The following ZNF679 variants were observed in gnomAD, a reference collection of about 807,000 sequenced individuals.
The protein encoded by ZNF679 is hypothetical protein MGC42415.
In ZNF679, 10 loss-of-function variants were observed where a neutral mutation model predicts 13.4. That is an observed-to-expected ratio of 0.75 (90% confidence interval 0.46 to 1.27). The LOEUF (loss-of-function observed/expected upper bound fraction) is 1.27, where lower values mean the gene tolerates loss of function less well. ZNF679 is among the 50% of genes most tolerant of loss of function. The pLI is 0.00. For synonymous variants in ZNF679, 179 were observed against 162.5 expected, an observed-to-expected ratio of 1.10 and a Z score of -0.77; for missense variants, 525 against 477.8, an observed-to-expected ratio of 1.10 and a Z score of -0.92.
intron 1 of ZNF679, among the ~76,000 whole-genome samples, chr7:64,234,922 C>T (rs373798574): frequency 1.3e-5 from 2 of 152,160 alleles, no homozygotes; most frequent in African/African-American, 4.8e-5. Context: ...ACTGAAACCT[C>T]TACCTCCAGG....
intron 2 of ZNF679, 64 bp downstream of exon 2, chr7:64,249,220 C>CT (rs1291750441): frequency 1.9e-6 from 3 of 1,613,582 alleles, no homozygotes; most frequent in Admixed American, 1.7e-5. Flanking sequence ...CTGAAAGTGG[C>CT]TGTAGCAGGA....
In ZNF679 at chr7:64,266,362, G is replaced by C. The variant is rs750746744; in HGVS notation, c.729G>C (p.Glu243Asp). 3 of 1,610,140 alleles carry C rather than the reference G, an allele frequency of 1.9e-6. No homozygotes were observed. The East Asian group carries it at 6.7e-5, about 36-fold the overall frequency. ...CTGGAGAGAAACCCTACAGATGTGA[G>C]GAATGTGGCAAAGCTTTTACCTGGT... ...IHTGEKPYRC[E>D]ECGKAFTWSS... Residue 243 changes from glutamate (E) to aspartate (D), a missense_variant, in exon 5 of 5, where the codon GAG becomes GAC. Physicochemically the swap from Glu to Asp is conservative, Grantham distance 45. Coordinates refer to ENST00000421025, the MANE Select transcript of ZNF679 (RefSeq NM_153363.3).
chr7:64,228,683 T>C (rs931384517), intron 1 of ZNF679, 31 bp downstream of exon 1: 8 of 152,186 alleles, frequency 5.3e-5, no homozygotes, highest in Non-Finnish European at 1.0e-4. Flanking sequence ...CGAGACACAG[T>C]CTTAACACTG....
At chr7:64,241,660 A>G (rs368110058) in intron 1 of ZNF679, among the ~76,000 whole-genome samples, 3 of 152,156 alleles carry the variant, frequency 2.0e-5, no homozygotes, top group Admixed American at 1.3e-4. Context: ...CAGGATAAAG[A>G]GTTATATCAT....
chr7:64,249,996 C>T (rs1454203531), intron 2 of ZNF679, among the ~76,000 whole-genome samples: 1 of 152,172 alleles, frequency 6.6e-6, no homozygotes, highest in Admixed American at 6.5e-5. Flanking sequence ...TGCCCGCCAC[C>T]GTGCCTGGCT....
intron 2 of ZNF679, among the ~76,000 whole-genome samples, chr7:64,258,515 A>G (rs1000752881): frequency 7.3e-5 from 11 of 151,668 alleles, no homozygotes; most frequent in African/African-American, 2.7e-4. Context: ...AGCCTGACCA[A>G]CATGGTGAAA....
intron 1 of ZNF679, among the ~76,000 whole-genome samples, chr7:64,243,377 C>G (rs1787825152): frequency 6.6e-6 from 1 of 152,132 alleles, no homozygotes; most frequent in Non-Finnish European, 1.5e-5. Context: ...AGGTAGGGTC[C>G]TGACAATAAA....
chr7:64,236,955 A>AAG (rs1427647991), intron 1 of ZNF679, among the ~76,000 whole-genome samples: 1 of 37,406 alleles, frequency 2.7e-5, no homozygotes. Flanking sequence ...GAAAGAAAGA[A>AAG]AGAAAGAAAG....
Position 64,260,925 on chromosome 7 carries a change from C to A in ZNF679, c.258C>A (p.His86Gln). 2.5e-6 allele frequency: 4 copies of A among 1,609,184 alleles called. No individual in the cohort carries two copies. The highest frequency in any genetic ancestry group is 3.4e-6 in the Non-Finnish European group (4 of 1,178,402). Residue 86 changes from histidine to glutamine, a missense_variant, in exon 4 of 5, where the codon CAC becomes CAA. Coordinates refer to ENST00000421025, the MANE Select transcript of ZNF679 (RefSeq NM_153363.3). ...NIKRNEMVTKHPVMCSHFTQD... is the reference protein window; with the variant it reads ...NIKRNEMVTKQPVMCSHFTQD... ...AGAGAAATGAGATGGTAACCAAACA[C>A]CCAGGTAAGTGAGAGTGGATGAAGC...
intron 1 of ZNF679, 68 bp from the exon 2 acceptor site, chr7:64,248,960 G>A (rs1009946193): frequency 9.5e-7 from 1 of 1,055,606 alleles, no homozygotes; most frequent in African/African-American, 1.6e-5. Context: ...TGTACAATCA[G>A]GCATGCAGCT....
chr7:64,254,238 C>T (rs1417984672), intron 2 of ZNF679, among the ~76,000 whole-genome samples: 1 of 151,844 alleles, frequency 6.6e-6, no homozygotes, highest in Non-Finnish European at 1.5e-5. Context: ...AATACTCCTG[C>T]CTTAGCCTCC....
intron 1 of ZNF679, among the ~76,000 whole-genome samples, chr7:64,235,849 A>G (rs1329621203): frequency 6.6e-6 from 1 of 152,094 alleles, no homozygotes; most frequent in Non-Finnish European, 1.5e-5. Flanking sequence ...GAAGGAAAGA[A>G]GAAAAAGGAA....
intron 1 of ZNF679, 64 bp from the exon 2 acceptor site, chr7:64,248,964 T>C (rs962176067): frequency 1.8e-6 from 2 of 1,092,608 alleles, no homozygotes; most frequent in African/African-American, 1.6e-5. Context: ...CAATCAGGCA[T>C]GCAGCTGGAG....
intron 1 of ZNF679, among the ~76,000 whole-genome samples, chr7:64,231,600 G>A (rs1209392143): frequency 6.6e-6 from 1 of 152,198 alleles, no homozygotes; most frequent in East Asian, 1.9e-4. Context: ...TGGCCCAGCT[G>A]GGAGTGTAGA....
At chr7:64,242,028 A>G (rs146522721) in intron 1 of ZNF679, among the ~76,000 whole-genome samples, 11 of 152,260 alleles carry the variant, frequency 7.2e-5, no homozygotes, top group African/African-American at 2.6e-4. Context: ...TTGAATCACA[A>G]CCTCAACAGT....
At chr7:64,258,676 G>C (rs1788036413) in intron 2 of ZNF679, among the ~76,000 whole-genome samples, 1 of 147,260 alleles carries the variant, frequency 6.8e-6, no homozygotes, top group Admixed American at 7.0e-5. Context: ...ACTCCAGCCT[G>C]CTCGACAGAG....
At chr7:64,230,878 C>T (rs1233403406) in intron 1 of ZNF679, among the ~76,000 whole-genome samples, 6 of 152,206 alleles carry the variant, frequency 3.9e-5, no homozygotes, top group African/African-American at 7.2e-5. Flanking sequence ...CAGCCTCACA[C>T]GTGTGCTGAA....
At chr7:64,260,464 T>C in intron 3 of ZNF679, 117 bp downstream of exon 3, 1 of 1,457,366 alleles carries the variant, frequency 6.9e-7, no homozygotes, top group East Asian at 2.4e-5. Context: ...TTGAAGAAAA[T>C]CTTGGGGATT....
At chr7:64,264,672 C>T (rs899535019) in intron 4 of ZNF679, among the ~76,000 whole-genome samples, 10 of 151,796 alleles carry the variant, frequency 6.6e-5, no homozygotes, top group African/African-American at 2.4e-4. Flanking sequence ...TTTTTTTCAG[C>T]ACTTTGACCA....
Sources: allele counts gnomAD v4.1 joint callset (sites outside exome capture counted in the v4.1 genomes callset), GRCh38; gene constraint gnomAD v4.1.1; transcripts MANE v1.5; gene names NCBI Gene and HGNC (gene_info 2026-07-23, HGNC 2026-07-21).